The following PARD3B variants were observed in gnomAD, a reference collection of about 807,000 sequenced individuals.
PARD3B encodes par-3 family cell polarity regulator beta.
Under a neutral mutation model 130.2 loss-of-function variants are expected in PARD3B, and 103 were observed. The observed-to-expected ratio is 0.79, with a 90% CI of 0.67 to 0.93. The LOEUF (loss-of-function observed/expected upper bound fraction) is 0.93. Among genes scored for constraint, PARD3B ranks in the 40% least tolerant of loss-of-function variants. The pLI, the probability that PARD3B is intolerant of heterozygous loss-of-function variation, is 0.00. For missense variants in PARD3B, 1,609 were observed against 1,499.2 expected, an observed-to-expected ratio of 1.07 and a Z score of -1.21; for synonymous variants, 583 against 553.2, an observed-to-expected ratio of 1.05 and a Z score of -0.76.
At chr2:205,496,062 G>A (rs1375365333) in intron 20 of PARD3B, among the ~76,000 whole-genome samples, 2 of 152,102 alleles carry the variant, frequency 1.3e-5, no homozygotes, top group African/African-American at 4.8e-5. Context: ...TGTGGACAGA[G>A]AGTGGAGTAA....
At chr2:205,500,289 A>G (rs1278009895) in intron 21 of PARD3B, among the ~76,000 whole-genome samples, 1 of 152,190 alleles carries the variant, frequency 6.6e-6, no homozygotes, top group African/African-American at 2.4e-5. Context: ...TGGGGGAAGC[A>G]GAAGTTAGCT....
Position 204,720,673 on chromosome 2 carries a change from C to A in PARD3B, c.222+34391C>A, listed in dbSNP as rs557172061. On this transcript the variant is annotated intron_variant, in intron 2 of 22. Transcript: ENST00000406610. The stretch of plus-strand genomic sequence containing the variant: ...ATTGTCTACTTTTGATCAGACAATG[C>A]AGGTTTGGTACTGTCAGCAGGTGAT... Among the ~76,000 whole-genome samples the A allele has an allele frequency of 3.2e-4, 49 of 152,140 alleles. No individual in the cohort carries two copies. The South Asian group carries it at 1.0e-2, about 31-fold the overall frequency.
chr2:205,398,582 A>G (rs1224567249), intron 18 of PARD3B, among the ~76,000 whole-genome samples: 1 of 152,134 alleles, frequency 6.6e-6, no homozygotes, highest in Non-Finnish European at 1.5e-5. Context: ...AAAATTTAGG[A>G]AAGAAGACTT....
At chr2:205,101,098 A>C (rs1295830973) in intron 4 of PARD3B, among the ~76,000 whole-genome samples, 1 of 152,170 alleles carries the variant, frequency 6.6e-6, no homozygotes, top group African/African-American at 2.4e-5. Flanking sequence ...TTGGATAAGA[A>C]ATTTGTATAT....
At chr2:204,765,749 C>T (rs1274549035) in intron 2 of PARD3B, among the ~76,000 whole-genome samples, 6 of 152,122 alleles carry the variant, frequency 3.9e-5, no homozygotes, top group Non-Finnish European at 7.4e-5. Context: ...AGGCTACAAA[C>T]TAATAATGGA....
At chr2:204,590,893 T>C (rs1053557533) in intron 1 of PARD3B, among the ~76,000 whole-genome samples, 1 of 152,208 alleles carries the variant, frequency 6.6e-6, no homozygotes, top group African/African-American at 2.4e-5. Flanking sequence ...TGTTTTCAAG[T>C]TGTATATACA....
At chr2:204,873,272 T>G (rs1047094071) in intron 2 of PARD3B, among the ~76,000 whole-genome samples, 1 of 152,186 alleles carries the variant, frequency 6.6e-6, no homozygotes, top group African/African-American at 2.4e-5. Flanking sequence ...TCTTTTACCC[T>G]AAAGAGGACG....
At chr2:205,392,333 C>T (rs981425677) in intron 18 of PARD3B, among the ~76,000 whole-genome samples, 4 of 152,076 alleles carry the variant, frequency 2.6e-5, no homozygotes, top group African/African-American at 9.7e-5. Context: ...TTGCCATGAC[C>T]ACCAATTTCA....
intron 18 of PARD3B, among the ~76,000 whole-genome samples, chr2:205,383,083 C>CATAGATAGATAGATAGATAGATAG (rs59376156): frequency 2.5e-5 from 2 of 78,480 alleles, no homozygotes; most frequent in Non-Finnish European, 3.5e-5. Flanking sequence ...GGAAAGTTTA[C>CATAGATAGATAGATAGATAGATAG]ATAGATAGAT....
chr2:205,397,379 C>T lies in PARD3B; in HGVS notation c.2631-3634C>T, dbSNP rs573991988. ...CTTGATTTGACTGTTATTGGCAGTT[C>T]TTGCTAAGAAGAAAATACTTTGCAG... On this transcript the variant is annotated intron_variant, in intron 18 of 22. Transcript: ENST00000406610. This position sits in a 1 kb window ranked among gnomAD's most constrained non-coding sequence, Gnocchi z 4.8. 8.5e-5 allele frequency among the ~76,000 whole-genome samples: 13 copies of T among 152,274 alleles called. No individual in the cohort carries two copies. In the South Asian group the frequency reaches 2.7e-3, roughly 32 times the overall value.
Position 205,301,495 on chromosome 2 carries a change from C to T in PARD3B, c.2424C>T (p.Gly808=), listed in dbSNP as rs1307043663. ...DGLSDKSSHS[G]QGALNCESAP... ...TGTCTGATAAGAGCTCTCACTCTGG[C>T]CAAGGAGCTCTGAATTGTGAGTCTG... Residue 808 remains glycine (G), a synonymous_variant, in exon 18 of 23, where the codon GGC becomes GGT. Coordinates refer to ENST00000406610, the MANE Select transcript of PARD3B (RefSeq NM_001302769.2). This position sits in a 1 kb window ranked among gnomAD's most constrained non-coding sequence, Gnocchi z 5.2. 2 of 1,613,478 alleles carry T rather than the reference C, an allele frequency of 1.2e-6. No individual in the cohort carries two copies. The highest frequency in any genetic ancestry group is 1.7e-6 in the Non-Finnish European group (2 of 1,179,874).
At chr2:204,752,911 G>A (rs1574895711) in intron 2 of PARD3B, among the ~76,000 whole-genome samples, 7 of 152,240 alleles carry the variant, frequency 4.6e-5, no homozygotes, top group Admixed American at 4.6e-4. Context: ...TACTATACAG[G>A]TTAATTTTCC....
chr2:204,605,185 G>C (rs2033665311), intron 1 of PARD3B, among the ~76,000 whole-genome samples: 1 of 152,126 alleles, frequency 6.6e-6, no homozygotes, highest in Admixed American at 6.6e-5. Context: ...ACAATCTGTT[G>C]ATCAAGTAAG....
rs1375078804 is a variant in PARD3B at position 205,160,616 on chromosome 2, TG to T, written c.1620+1711del. 6.6e-6 allele frequency among the ~76,000 whole-genome samples: 1 copy of T among 152,236 alleles called. No individual in the cohort carries two copies. The highest frequency in any genetic ancestry group is 1.5e-5 in the Non-Finnish European group (1 of 68,034). On this transcript the variant is annotated intron_variant, in intron 11 of 22. Transcript: ENST00000406610. This position sits in a 1 kb window ranked among gnomAD's most constrained non-coding sequence, Gnocchi z 4.0. ...AGTCCCATCACTCCATCTATAAAACTGGCTCAGAAATACATAAGCAGGAGCA... is the reference window on the plus strand; with the variant it reads ...AGTCCCATCACTCCATCTATAAAACTGCTCAGAAATACATAAGCAGGAGCA...
chr2:205,509,503 A>C (rs778532349), intron 21 of PARD3B, among the ~76,000 whole-genome samples: 4 of 152,080 alleles, frequency 2.6e-5, no homozygotes, highest in African/African-American at 4.8e-5. Context: ...CCCCTAAAGC[A>C]TTCAGGCATT....
intron 3 of PARD3B, among the ~76,000 whole-genome samples, chr2:204,997,978 G>A (rs1296777102): frequency 6.7e-6 from 1 of 148,618 alleles, no homozygotes; most frequent in African/African-American, 2.5e-5. Context: ...ATATATATGT[G>A]CATATATACA....
At chr2:205,092,638 T>C (rs1241262483) in intron 4 of PARD3B, among the ~76,000 whole-genome samples, 5 of 152,090 alleles carry the variant, frequency 3.3e-5, no homozygotes, top group Non-Finnish European at 5.9e-5. Flanking sequence ...AGAAAAGAGA[T>C]AGCTGGAAGA....
At position 204,837,031 on chromosome 2, in the gene PARD3B, T is replaced by G. The variant is rs541075677; in HGVS notation, c.223-128121T>G. Reference sequence around the variant, plus strand: ...ATCCCTCCTGTTTTTAAAATCACACTTTTGATACCCAATGAGATAGTTCAC... The same window carrying G: ...ATCCCTCCTGTTTTTAAAATCACACGTTTGATACCCAATGAGATAGTTCAC... On this transcript the variant is annotated intron_variant, in intron 2 of 22. Transcript: ENST00000406610. Among the ~76,000 whole-genome samples, 11 of 152,312 alleles carry G rather than the reference T, an allele frequency of 7.2e-5. No individual in the cohort carries two copies. The South Asian group carries it at 2.1e-3, about 29-fold the overall frequency.
At chr2:205,008,800 A>C (rs1191779515) in intron 3 of PARD3B, among the ~76,000 whole-genome samples, 1 of 152,244 alleles carries the variant, frequency 6.6e-6, no homozygotes, top group Non-Finnish European at 1.5e-5. Flanking sequence ...TGGATATAAC[A>C]GTCCTCATTT....
Sources: allele counts gnomAD v4.1 joint callset (sites outside exome capture counted in the v4.1 genomes callset), GRCh38; gene constraint gnomAD v4.1.1; non-coding constraint Gnocchi (gnomAD v3.1); transcripts MANE v1.5; gene names NCBI Gene and HGNC (gene_info 2026-07-23, HGNC 2026-07-21).